COL6A2: variants seen among roughly 807,000 people sequenced by gnomAD.
The protein encoded by COL6A2 is collagen type VI alpha 2 chain.
A neutral mutation model predicts 124.9 loss-of-function variants in COL6A2; 90 were observed. The observed-to-expected ratio is 0.72, with a 90% CI of 0.61 to 0.86. The LOEUF is 0.86. Among genes scored for constraint, COL6A2 ranks in the 40% least tolerant of loss-of-function variants. The pLI is 0.00. For synonymous variants in COL6A2, 793 were observed against 618.2 expected, an observed-to-expected ratio of 1.28 and a Z score of -4.19; for missense variants, 1,607 against 1,502.5, an observed-to-expected ratio of 1.07 and a Z score of -1.15.
intron 27 of COL6A2, among the ~76,000 whole-genome samples, chr21:46,130,970 C>T (rs777525211): frequency 6.6e-6 from 1 of 152,246 alleles, no homozygotes; most frequent in Non-Finnish European, 1.5e-5. Flanking sequence ...GTGTTCAGAG[C>T]TTTGCTCACT....
chr21:46,112,977 T>A, intron 4 of COL6A2, 153 bp downstream of exon 4: 1 of 961,614 alleles, frequency 1.0e-6, no homozygotes, highest in Non-Finnish European at 1.6e-6. Context: ...CCTTGGAGTC[T>A]GGAGAAAGGG....
chr21:46,124,769 C>A, intron 22 of COL6A2, 56 bp downstream of exon 22: 1 of 1,603,320 alleles, frequency 6.2e-7, no homozygotes, highest in East Asian at 2.2e-5. Flanking sequence ...CCAACACACA[C>A]CCAAGCCTCG....
chr21:46,126,255 G>T lies in COL6A2; in HGVS notation c.2422+18G>T, dbSNP rs1349761996. On this transcript the variant is annotated intron_variant, in intron 26 of 27. Coordinates refer to ENST00000300527, the MANE Select transcript of COL6A2 (RefSeq NM_001849.4). ...CTGCCCGGGTGAGCGTGTGGGCGCGGGGCAGTCGGCCGAGGAGCAGCAGGC... is the reference window on the plus strand; with the variant it reads ...CTGCCCGGGTGAGCGTGTGGGCGCGTGGCAGTCGGCCGAGGAGCAGCAGGC... The T allele has an allele frequency of 1.3e-6, 2 of 1,597,422 alleles. No individual in the cohort carries two copies. The highest frequency in any genetic ancestry group is 1.7e-6 in the Non-Finnish European group (2 of 1,177,900).
At chr21:46,130,382 G>A (rs903119394) in intron 27 of COL6A2, among the ~76,000 whole-genome samples, 1 of 152,194 alleles carries the variant, frequency 6.6e-6, no homozygotes, top group Non-Finnish European at 1.5e-5. Flanking sequence ...GGCCCCCACG[G>A]CGAGCTGACC....
Position 46,132,387 on chromosome 21 carries a change from C to G in COL6A2, c.2895C>G (p.Arg965=). The change falls in exon 28 of 28, where the codon CGC becomes CGG. Residue 965 remains arginine, a synonymous_variant. Coordinates refer to ENST00000300527, the MANE Select transcript of COL6A2 (RefSeq NM_001849.4). ...TGCACGAGTCGGCGCACTCCATGCG[C>G]AAGCAGAACGTGGTACCCACCGTGC... ...DSLHESAHSM[R]KQNVVPTVLA... is the part of the protein sequence containing the mutation. 6.2e-7 allele frequency: 1 copy of G among 1,609,624 alleles called. No homozygotes were observed. Among genetic ancestry groups the G allele is most frequent in the Non-Finnish European group, 8.5e-7 (1 of 1,179,330 alleles).
At chr21:46,119,911 G>GTCAGC in intron 15 of COL6A2, 61 bp downstream of exon 15, 2 of 1,439,058 alleles carry the variant, frequency 1.4e-6, no homozygotes, top group Non-Finnish European at 1.9e-6. Flanking sequence ...CCCTGCTGAC[G>GTCAGC]AGGGCCCCAA....
intron 1 of COL6A2, among the ~76,000 whole-genome samples, chr21:46,102,351 CTTAT>C (rs920103063): frequency 1.3e-5 from 2 of 152,056 alleles, no homozygotes; most frequent in Non-Finnish European, 2.9e-5. Flanking sequence ...AGATAATTTA[CTTAT>C]TTCTTTCCAA....
chr21:46,126,537 A>G lies in COL6A2; in HGVS notation c.2457A>G (p.Gln819=), dbSNP rs201518654. The part of the protein sequence containing the change: ...PQIVCPDLPC[Q]TELSVAQCTQ... ...TCGTGTGCCCAGACCTTCCCTGCCA[A>G]ACAGGTAATGCAGGGCACCCTGAGC... The change falls in exon 27 of 28, where the codon CAA becomes CAG. Residue 819 remains glutamine, a synonymous_variant. Transcript: ENST00000300527. 1.4e-5 allele frequency: 23 copies of G among 1,613,438 alleles called. No individual in the cohort carries two copies. In the East Asian group the frequency reaches 3.6e-4, roughly 25 times the overall value.
chr21:46,126,334 T>C, intron 26 of COL6A2, 97 bp downstream of exon 26: 2 of 1,506,068 alleles, frequency 1.3e-6, no homozygotes, highest in South Asian at 2.3e-5. Context: ...GAGGGATGAA[T>C]GTGCAGCCCA....
intron 23 of COL6A2, among the ~76,000 whole-genome samples, 163 bp from the exon 24 acceptor site, chr21:46,125,103 G>A (rs1010506925): frequency 6.6e-6 from 1 of 152,140 alleles, no homozygotes; most frequent in Non-Finnish European, 1.5e-5. Flanking sequence ...GGTGGGGGGA[G>A]GAGGGTGGCA....
chr21:46,118,764 T>G, intron 13 of COL6A2, 88 bp downstream of exon 13: 60 of 1,423,430 alleles, frequency 4.2e-5, no homozygotes, highest in Non-Finnish European at 5.0e-5. Context: ...CCACCATCTC[T>G]GCTGTCACCA....
intron 13 of COL6A2, among the ~76,000 whole-genome samples, 173 bp from the exon 14 acceptor site, chr21:46,118,857 G>A (rs1297826282): frequency 2.0e-5 from 3 of 152,208 alleles, no homozygotes; most frequent in Non-Finnish European, 4.4e-5. Flanking sequence ...CCTCTGACCT[G>A]TGCCCTCCTC....
intron 21 of COL6A2, among the ~76,000 whole-genome samples, chr21:46,123,929 G>C (rs932438343): frequency 6.6e-6 from 1 of 150,532 alleles, no homozygotes; most frequent in East Asian, 2.0e-4. Flanking sequence ...AGGATGGATG[G>C]TTGGGTAGGT....
intron 27 of COL6A2, chr21:46,129,885 T>TA (rs1346651921): frequency 9.9e-7 from 1 of 1,011,060 alleles, no homozygotes; most frequent in Non-Finnish European, 1.2e-6. Context: ...TGGAGGCCCT[T>TA]ACTTAGCGGC....
At position 46,118,157 on chromosome 21, in the gene COL6A2, G is replaced by A. The variant is rs12483267; in HGVS notation, c.1116+221G>A. On this transcript the variant is annotated intron_variant, in intron 12 of 27. Transcript: ENST00000300527. Reference sequence around the variant, plus strand: ...CCCCGCCGCTGCTCACCGAGGCCTCGGCAACAAACCCACCTCCTCCCAGGT... The same window carrying A: ...CCCCGCCGCTGCTCACCGAGGCCTCAGCAACAAACCCACCTCCTCCCAGGT... Among the ~76,000 whole-genome samples the A allele has an allele frequency of 0.65, 98,542 of 151,904 alleles. 33,891 individuals carry two copies. Among genetic ancestry groups the A allele is most frequent in the East Asian group, 0.81 (4,166 of 5,128 alleles).
chr21:46,110,949 C>T (rs1005916030), intron 1 of COL6A2, among the ~76,000 whole-genome samples: 1 of 152,186 alleles, frequency 6.6e-6, no homozygotes, highest in Non-Finnish European at 1.5e-5. Flanking sequence ...TGACAGAGTC[C>T]TCCCTCCCTC....
intron 1 of COL6A2, among the ~76,000 whole-genome samples, chr21:46,101,813 T>A (rs2078289547): frequency 6.7e-6 from 1 of 150,008 alleles, no homozygotes; most frequent in Non-Finnish European, 1.5e-5. Context: ...AATTAGGACA[T>A]GTGAGTCCCC....
chr21:46,122,399 G>GGGTGAA (rs2078580682), intron 19 of COL6A2, 97 bp from the exon 20 acceptor site: 1 of 1,522,622 alleles, frequency 6.6e-7, no homozygotes, highest in African/African-American at 1.4e-5. Flanking sequence ...GTGTGAATGA[G>GGGTGAA]CGAGGGAGGG....
intron 4 of COL6A2, 45 bp downstream of exon 4, chr21:46,112,869 C>T: frequency 6.2e-7 from 1 of 1,612,870 alleles, no homozygotes; most frequent in Non-Finnish European, 8.5e-7. Flanking sequence ...GGCAGCTGAC[C>T]CAGCAGAGAT....
Sources: allele counts gnomAD v4.1 joint callset (sites outside exome capture counted in the v4.1 genomes callset), GRCh38; gene constraint gnomAD v4.1.1; transcripts MANE v1.5; gene names NCBI Gene and HGNC (gene_info 2026-07-23, HGNC 2026-07-21).